The following KRT84 variants were observed in gnomAD, a reference collection of about 807,000 sequenced individuals.
The protein encoded by KRT84 is keratin, type II cuticular Hb4.
KRT84 carries 38 observed loss-of-function variants against 49.0 expected under a neutral mutation model. The ratio of observed to expected loss-of-function variants is 0.78; its 90% CI spans 0.60 to 1.02. KRT84 has a LOEUF of 1.02. KRT84 is among the 50% of genes least tolerant of loss of function. The pLI is 0.00. For synonymous variants in KRT84, 334 were observed against 312.8 expected (o/e 1.07, Z -0.72); for missense variants, 860 against 788.6 (o/e 1.09, Z -1.08).
chr12:52,380,869 G>C (rs1939469970), intron 6 of KRT84, among the ~76,000 whole-genome samples: 1 of 152,174 alleles, frequency 6.6e-6, no homozygotes, highest in African/African-American at 2.4e-5. Flanking sequence ...CACCTTCCCT[G>C]CTGGGTCTGC....
rs766161017 is a variant in KRT84, at chr12:52,383,720, T to A, written c.625A>T (p.Asn209Tyr). The change falls in exon 2 of 9, where the codon AAT becomes TAT. Residue 209 changes from asparagine to tyrosine, a missense_variant. Physicochemically the swap from Asn to Tyr is moderately radical, Grantham distance 143. Transcript: ENST00000257951. ...TAGCTCTCGAAGAGTGGCTCCAGATTGCTCCTGATACATTTCTGCTCTTGG... is the reference window on the plus strand; with the variant it reads ...TAGCTCTCGAAGAGTGGCTCCAGATAGCTCCTGATACATTTCTGCTCTTGG... ...FLQEQKCIRSNLEPLFESYIT... is the reference protein window; with the variant it reads ...FLQEQKCIRSYLEPLFESYIT... 1 of 1,614,148 alleles carries A rather than the reference T, an allele frequency of 6.2e-7. No homozygotes were observed. Among genetic ancestry groups the A allele is most frequent in the Non-Finnish European group, 8.5e-7 (1 of 1,179,984 alleles).
Position 52,380,457 on chromosome 12 carries a change from G to T in KRT84, c.1330C>A (p.Gln444Lys). Residue 444 changes from glutamine to lysine, a missense_variant, in exon 7 of 9, where the codon CAG (glutamine) becomes AAG (lysine). Coordinates refer to ENST00000257951, the MANE Select transcript of KRT84 (RefSeq NM_033045.4). ...ATCAGCTCCTGGTACTCGCACAGCT[G>T]CCGCGCCATGTCCTGCTTGGCCTGC... is the stretch of plus-strand genomic sequence containing the variant. Reference protein sequence around the residue: ...LQQAKQDMARQLCEYQELMNA... With the variant: ...LQQAKQDMARKLCEYQELMNA... 1 of 1,614,208 alleles carries T rather than the reference G, an allele frequency of 6.2e-7. No individual in the cohort carries two copies. The highest frequency in any genetic ancestry group is 8.5e-7 in the Non-Finnish European group (1 of 1,180,014).
At chr12:52,379,835 G>T in intron 8 of KRT84, 41 bp downstream of exon 8, 2 of 1,549,064 alleles carry the variant, frequency 1.3e-6, no homozygotes, top group Non-Finnish European at 1.8e-6. Flanking sequence ...GAAGTTTGAA[G>T]AGGAGAGAAA....
Position 52,385,023 on chromosome 12 carries a change from T to G in KRT84, c.546+17A>C. ...CTGTAATATTCCTAGACCCAGAGAT[T>G]CAGCTATCATAGGTACCTTGTCAAT... On this transcript the variant is annotated intron_variant, in intron 1 of 8. Coordinates refer to ENST00000257951, the MANE Select transcript of KRT84 (RefSeq NM_033045.4). 6.3e-7 allele frequency: 1 copy of G among 1,594,872 alleles called. No individual in the cohort carries two copies. Among genetic ancestry groups the G allele is most frequent in the Non-Finnish European group, 8.5e-7 (1 of 1,171,800 alleles).
intron 1 of KRT84, among the ~76,000 whole-genome samples, chr12:52,384,806 A>G (rs1377104549): frequency 6.6e-6 from 1 of 152,162 alleles, no homozygotes; most frequent in Admixed American, 6.5e-5. Flanking sequence ...TGTCCTCCAG[A>G]AGATATCAAC....
intron 3 of KRT84, among the ~76,000 whole-genome samples, chr12:52,382,761 T>C (rs571102265): frequency 1.1e-3 from 171 of 152,332 alleles, no homozygotes; most frequent in Admixed American, 2.5e-3. Flanking sequence ...AAAATCTAGA[T>C]AATCCAAGAT....
In KRT84 at chr12:52,383,753, T is replaced by C. The variant is rs1939527727; in HGVS notation, c.592A>G (p.Ser198Gly). Residue 198 changes from serine (S) to glycine (G), a missense_variant, in exon 2 of 9, where the codon AGC becomes GGC. Physicochemically the swap from Ser to Gly is moderately conservative, Grantham distance 56 (BLOSUM62 0). Transcript: ENST00000257951. ...ATACATTTCTGCTCTTGGAGGAAGCTCCACTTGGTCTCTAGGAGCTTATTC... is the reference window on the plus strand; with the variant it reads ...ATACATTTCTGCTCTTGGAGGAAGCCCCACTTGGTCTCTAGGAGCTTATTC... ...QQNKLLETKW[S>G]FLQEQKCIRS... The C allele has an allele frequency of 6.2e-7, 1 of 1,613,728 alleles. No individual in the cohort carries two copies. The highest frequency in any genetic ancestry group is 1.3e-5 in the African/African-American group (1 of 74,818).
At chr12:52,380,249 T>C in intron 7 of KRT84, 114 bp downstream of exon 7, 1 of 1,276,812 alleles carries the variant, frequency 7.8e-7, no homozygotes, top group Non-Finnish European at 1.1e-6. Context: ...GAGAAGGTAT[T>C]GTCATCTTTA....
At position 52,380,263 on chromosome 12, in the gene KRT84, A is replaced by C. The variant is rs748355619; in HGVS notation, c.1424+100T>G. The C allele has an allele frequency of 4.7e-5, 65 of 1,379,502 alleles. No homozygotes were observed. The Admixed American group carries it at 9.7e-4, about 21-fold the overall frequency. The allele number at this position is 1,379,502 out of a possible 1,614,324, so 85.5% of individuals were successfully genotyped here. On this transcript the variant is annotated intron_variant, in intron 7 of 8. Transcript: ENST00000257951. ...AGAGAAGGTATTGTCATCTTTAAAG[A>C]CTATGTATTTCTGCAGTTCTTCACT...
chr12:52,386,707 G>A (rs959122265), upstream of KRT84, among the ~76,000 whole-genome samples: 5 of 152,190 alleles, frequency 3.3e-5, no homozygotes, highest in Non-Finnish European at 7.3e-5. Context: ...GGTTAGGATA[G>A]AGAGACACAA....
At chr12:52,383,939 C>T in intron 1 of KRT84, 141 bp from the exon 2 acceptor site, 1 of 684,944 alleles carries the variant, frequency 1.5e-6, no homozygotes, top group East Asian at 2.7e-5. Flanking sequence ...CCTCCACTAA[C>T]TCAGCAGAAG....
In KRT84 at chr12:52,378,040, C is replaced by G; in HGVS notation, c.1797G>C (p.Lys599Asn). ...FVSTTTSCRT[K>N]Y ...GCTGTCTGGGGCTGGGCTCTCAGTA[C>G]TTGGTCCGGCAGGAGGTGGTGGTGG... Residue 599 changes from lysine (K) to asparagine (N), a missense_variant, in exon 9 of 9, where the codon AAG (lysine) becomes AAC (asparagine). Lys to Asn is a moderately conservative substitution (Grantham distance 94). Coordinates refer to ENST00000257951, the MANE Select transcript of KRT84 (RefSeq NM_033045.4). 1.4e-6 allele frequency: 2 copies of G among 1,469,682 alleles called. No homozygotes were observed. Among genetic ancestry groups the G allele is most frequent in the Non-Finnish European group, 1.8e-6 (2 of 1,112,296 alleles). 91.0% of individuals were successfully genotyped at this position (1,469,682 alleles called of 1,614,324 possible).
chr12:52,378,875 C>A (rs1791617), intron 8 of KRT84, among the ~76,000 whole-genome samples: 1 of 151,928 alleles, frequency 6.6e-6, no homozygotes, highest in Non-Finnish European at 1.5e-5. Flanking sequence ...GGTGGCTGTG[C>A]TCTGTAGCCC....
chr12:52,379,071 C>T (rs969792981), intron 8 of KRT84, among the ~76,000 whole-genome samples: 2 of 152,220 alleles, frequency 1.3e-5, no homozygotes, highest in Non-Finnish European at 2.9e-5. Flanking sequence ...CTGTGGCTTC[C>T]CCTGACCACT....
Position 52,381,991 on chromosome 12 carries a change from G to A in KRT84, c.912+446C>T, listed in dbSNP as rs59050523. ...GCCTGCAAAGAGAGTTCCAGAGGAG[G>A]CTTTCCTCAGCCTCTTCACTTAGAG... On this transcript the variant is annotated intron_variant, in intron 4 of 8. Transcript: ENST00000257951. Among the ~76,000 whole-genome samples the A allele has an allele frequency of 1.9e-3, 292 of 152,338 alleles. 3 individuals are homozygous for A. The highest frequency in any genetic ancestry group is 6.2e-3 in the African/African-American group (259 of 41,568).
Position 52,385,280 on chromosome 12 carries a change from A to T in KRT84, c.306T>A (p.Cys102Ter), listed in dbSNP as rs912210237. 6.2e-7 allele frequency: 1 copy of T among 1,614,008 alleles called. No homozygotes were observed. Reference sequence around the variant, plus strand: ...TGCCAGCTCCAAAGCCCAGACCAACACAGCTGTCAGCCCTAGGCCCCAGAC... The same window carrying T: ...TGCCAGCTCCAAAGCCCAGACCAACTCAGCTGTCAGCCCTAGGCCCCAGAC... Reference protein sequence around the residue: ...GVGLGPRADSCVGLGFGAGSG... With the variant: ...GVGLGPRADS Residue 102 changes from cysteine to a stop codon, truncating the protein, a stop_gained, in exon 1 of 9, where the codon TGT (cysteine) becomes TGA (stop). Coordinates refer to ENST00000257951, the MANE Select transcript of KRT84 (RefSeq NM_033045.4). LOFTEE classifies it high-confidence loss of function.
Position 52,381,181 on chromosome 12 carries a change from C to A in KRT84, c.1102G>T (p.Gly368Cys), listed in dbSNP as rs34137381. 6.2e-7 allele frequency: 1 copy of A among 1,614,162 alleles called. No homozygotes were observed. The highest frequency in any genetic ancestry group is 1.7e-5 in the Admixed American group (1 of 60,022). The change falls in exon 6 of 9, where the codon GGC becomes TGC. Residue 368 changes from glycine (G) to cysteine (C), a missense_variant. Transcript: ENST00000257951. ...TTGCGCAGGTTGTCACAGTGTTGGC[C>A]AGCTGTCACCTGCATCTCTTCATAC... Reference protein sequence around the residue: ...TKYEEMQVTAGQHCDNLRNIR... With the variant: ...TKYEEMQVTACQHCDNLRNIR...
Position 52,377,989 on chromosome 12 carries a change from T to G in KRT84, c.*45A>C. 3.0e-6 allele frequency: 4 copies of G among 1,350,376 alleles called. No homozygotes were observed. The highest frequency in any genetic ancestry group is 3.9e-6 in the Non-Finnish European group (4 of 1,034,448). 83.6% of individuals were successfully genotyped at this position (1,350,376 alleles called of 1,614,324 possible). On this transcript the variant is annotated 3_prime_UTR_variant, in exon 9 of 9. Transcript: ENST00000257951. ...ACCCTGGGGGCAGAAGCAGGAGCCG[T>G]GGAGCTGGTTCTTCTCTGGGCAGCA...
chr12:52,384,692 G>A (rs1939543568), intron 1 of KRT84, among the ~76,000 whole-genome samples: 1 of 152,156 alleles, frequency 6.6e-6, no homozygotes, highest in Non-Finnish European at 1.5e-5. Flanking sequence ...CCAACACCTG[G>A]CTAAAGTCCC....
Sources: allele counts gnomAD v4.1 joint callset (sites outside exome capture counted in the v4.1 genomes callset), GRCh38; gene constraint gnomAD v4.1.1; transcripts MANE v1.5; gene names NCBI Gene and HGNC (gene_info 2026-07-23, HGNC 2026-07-21).